SNX25: variants seen among roughly 807,000 people sequenced by gnomAD.
SNX25 encodes the protein sorting nexin 25.
SNX25 carries 62 observed loss-of-function variants against 113.7 expected under a neutral mutation model. The ratio of observed to expected loss-of-function variants is 0.55; its 90% CI spans 0.44 to 0.67. SNX25 has a LOEUF of 0.67. Among genes scored for constraint, SNX25 ranks in the 30% least tolerant of loss-of-function variants. The pLI is 0.00. For missense variants in SNX25, 1,014 were observed against 1,161.0 expected, an observed-to-expected ratio of 0.87 and a Z score of 1.84; for synonymous variants, 421 against 436.2, an observed-to-expected ratio of 0.97 and a Z score of 0.43.
At chr4:185,367,902 G>T (rs192801117), downstream of SNX25, among the ~76,000 whole-genome samples, 1 of 152,062 alleles carries the variant, frequency 6.6e-6, no homozygotes, top group African/African-American at 2.4e-5. Context: ...CCTTATGGCC[G>T]GGCGCGGTAG....
At chr4:185,378,057 A>G in the SNX25 span, 1 of 1,571,944 alleles carries the variant, frequency 6.4e-7, no homozygotes, top group Non-Finnish European at 8.7e-7. Flanking sequence ...TTTCCAAGGG[A>G]AGCTTAAATA....
intron 6 of SNX25, among the ~76,000 whole-genome samples, chr4:185,299,274 G>A (rs1475637852): frequency 6.6e-6 from 1 of 152,204 alleles, no homozygotes; most frequent in African/African-American, 2.4e-5. Flanking sequence ...AGGTAGGTCA[G>A]ATGAGATCAT....
At chr4:185,377,227 A>C in the SNX25 span, 2 of 524,332 alleles carry the variant, frequency 3.8e-6, no homozygotes, top group Admixed American at 6.2e-5. Context: ...TGTGTAATAA[A>C]GCAATACTGG....
chr4:185,331,311 T>C (rs1561021804), intron 9 of SNX25, among the ~76,000 whole-genome samples: 2 of 152,342 alleles, frequency 1.3e-5, no homozygotes, highest in East Asian at 1.9e-4. Context: ...CTCAATGCCA[T>C]TGTTATTCTA....
At position 185,244,253 on chromosome 4, in the gene SNX25, G is replaced by A. The variant is rs182261852; in HGVS notation, c.430-3041G>A. Among the ~76,000 whole-genome samples, 80 of 152,274 alleles carry A rather than the reference G, an allele frequency of 5.3e-4. No individual in the cohort carries two copies. In the East Asian group the frequency reaches 0.014, roughly 26 times the overall value. Reference sequence around the variant, plus strand: ...GGTGATCCACCCGCCTCTGCCTCCCGAAGTGCTGGGATTATAGGCGTGAGC... The same window carrying A: ...GGTGATCCACCCGCCTCTGCCTCCCAAAGTGCTGGGATTATAGGCGTGAGC... On this transcript the variant is annotated intron_variant, in intron 1 of 18. Transcript: ENST00000652585.
At chr4:185,351,853 C>T (rs1242167414) in intron 14 of SNX25, among the ~76,000 whole-genome samples, 1 of 151,316 alleles carries the variant, frequency 6.6e-6, no homozygotes, top group Non-Finnish European at 1.5e-5. Context: ...AGCCCCGCTA[C>T]ACACGGGGCG....
chr4:185,311,374 G>T (rs1287592684), intron 7 of SNX25, among the ~76,000 whole-genome samples: 1 of 152,150 alleles, frequency 6.6e-6, no homozygotes, highest in African/African-American at 2.4e-5. Flanking sequence ...CTCTCTGACT[G>T]TTTTTGTACT....
chr4:185,310,595 T>G (rs548445587), intron 6 of SNX25, 40 bp from the exon 7 acceptor site: 32 of 1,579,266 alleles, frequency 2.0e-5, no homozygotes, highest in Middle Eastern at 1.7e-4. Flanking sequence ...CTTTCATGCC[T>G]TGTCCTCTGA....
chr4:185,294,957 A>G (rs1438042845), intron 6 of SNX25, among the ~76,000 whole-genome samples: 1 of 152,028 alleles, frequency 6.6e-6, no homozygotes, highest in African/African-American at 2.4e-5. Flanking sequence ...TGGAGTTTTG[A>G]TGTATGGCTG....
At chr4:185,235,950 T>C (rs1250304633) in intron 1 of SNX25, among the ~76,000 whole-genome samples, 1 of 152,188 alleles carries the variant, frequency 6.6e-6, no homozygotes, top group African/African-American at 2.4e-5. Flanking sequence ...GAGCCGCTTG[T>C]CTATGTTCAG....
Position 185,259,089 on chromosome 4 carries a change from CCT to C in SNX25, c.731+26_731+27del, listed in dbSNP as rs747619188. The C allele has an allele frequency of 2.5e-6, 4 of 1,585,900 alleles. No homozygotes were observed. In the South Asian group the frequency reaches 4.5e-5, roughly 18 times the overall value. On this transcript the variant is annotated intron_variant, in intron 3 of 18. Coordinates refer to ENST00000652585, the MANE Select transcript of SNX25 (RefSeq NM_001378034.2). Reference sequence around the variant, plus strand: ...GGTAACTGTTCTAAGCAACTTACCCCCTTTTTTGCATTAATTTTTTTTAATTG... The same window carrying C: ...GGTAACTGTTCTAAGCAACTTACCCCTTTTTGCATTAATTTTTTTTAATTG...
intron 15 of SNX25, among the ~76,000 whole-genome samples, chr4:185,356,327 G>A (rs567079147): frequency 1.8e-4 from 27 of 152,184 alleles, no homozygotes; most frequent in African/African-American, 3.1e-4. Flanking sequence ...CCCCTTGGTC[G>A]TCAGGCACTC....
At chr4:185,362,906 G>A (rs1405661958) in intron 18 of SNX25, among the ~76,000 whole-genome samples, 195 bp downstream of exon 18, 2 of 142,568 alleles carry the variant, frequency 1.4e-5, no homozygotes, top group Admixed American at 7.4e-5. Context: ...GCAATGGCAC[G>A]ATCTTGGCTC....
At chr4:185,237,645 T>G (rs1200594487) in intron 1 of SNX25, among the ~76,000 whole-genome samples, 1 of 152,186 alleles carries the variant, frequency 6.6e-6, no homozygotes, top group Admixed American at 6.5e-5. Flanking sequence ...CGCCCACGGC[T>G]TGAACATGGC....
intron 7 of SNX25, among the ~76,000 whole-genome samples, chr4:185,315,182 T>C (rs1357489406): frequency 1.3e-5 from 2 of 150,646 alleles, no homozygotes; most frequent in African/African-American, 2.4e-5. Flanking sequence ...GAGCCGAGAT[T>C]GTGCCACTGC....
At position 185,264,441 on chromosome 4, in the gene SNX25, T is replaced by A; in HGVS notation, c.735T>A (p.His245Gln). ...CTTTTTCACTCTCTTTATTTAGACA[T>A]GAAGAACAGCCAAGACCTTTTGTGT... is the stretch of plus-strand genomic sequence containing the variant. ...FCDLKAANAR[H>Q]EEQPRPFVLH... is the part of the protein sequence containing the mutation. Residue 245 changes from histidine to glutamine, a missense_variant, in exon 4 of 19, where the codon CAT becomes CAA. Physicochemically the swap from His to Gln is conservative, Grantham distance 24 (BLOSUM62 0). Coordinates refer to ENST00000652585, the MANE Select transcript of SNX25 (RefSeq NM_001378034.2). The A allele has an allele frequency of 6.2e-7, 1 of 1,612,424 alleles. No individual in the cohort carries two copies. Among genetic ancestry groups the A allele is most frequent in the South Asian group, 1.1e-5 (1 of 90,954 alleles).
chr4:185,280,087 G>A (rs545463027), intron 5 of SNX25, among the ~76,000 whole-genome samples: 5 of 152,126 alleles, frequency 3.3e-5, no homozygotes, highest in East Asian at 1.9e-4. Context: ...ATGCCACCAC[G>A]CCAGGATAAT....
intron 1 of SNX25, among the ~76,000 whole-genome samples, chr4:185,239,285 C>T (rs1398471499): frequency 2.6e-5 from 4 of 151,684 alleles, no homozygotes; most frequent in Admixed American, 6.6e-5. Flanking sequence ...AGATCGAGAC[C>T]ATCCTGGCCA....
chr4:185,234,272 A>C (rs1742290125), intron 1 of SNX25, among the ~76,000 whole-genome samples: 1 of 152,226 alleles, frequency 6.6e-6, no homozygotes, highest in Non-Finnish European at 1.5e-5. Context: ...ATTCACCAGG[A>C]AACATTACGA....
Sources: allele counts gnomAD v4.1 joint callset (sites outside exome capture counted in the v4.1 genomes callset), GRCh38; gene constraint gnomAD v4.1.1; transcripts MANE v1.5; gene names NCBI Gene and HGNC (gene_info 2026-07-23, HGNC 2026-07-21).